Variants in MRPS27 observed in about 807,000 individuals in gnomAD.
The protein encoded by MRPS27 is mitochondrial ribosomal protein S27.
Under a neutral mutation model 48.9 loss-of-function variants are expected in MRPS27, and 43 were observed. That is an observed-to-expected ratio of 0.88 (90% CI 0.69 to 1.13). The LOEUF is 1.13. MRPS27 is among the 50% of genes most tolerant of loss of function. The probability of loss-of-function intolerance (pLI) is 0.00; values close to 1 mark genes in which losing one functional copy is unlikely to be tolerated. For missense variants in MRPS27, 467 were observed against 476.3 expected, an observed-to-expected ratio of 0.98 and a Z score of 0.18; for synonymous variants, 188 against 171.9, an observed-to-expected ratio of 1.09 and a Z score of -0.73.
At chr5:72,292,315 A>C (rs541212474) in intron 4 of MRPS27, among the ~76,000 whole-genome samples, 1 of 138,822 alleles carries the variant, frequency 7.2e-6, no homozygotes, top group Admixed American at 7.7e-5. Context: ...TGGTGTTTTC[A>C]TTTTTTATTT....
chr5:72,317,199 A>G (rs1355262827), intron 1 of MRPS27, among the ~76,000 whole-genome samples: 2 of 152,092 alleles, frequency 1.3e-5, no homozygotes, highest in African/African-American at 2.4e-5. Flanking sequence ...AAATACAAAC[A>G]CATCTGTGTG....
At chr5:72,264,425 G>A (rs1749058664) in intron 4 of MRPS27, among the ~76,000 whole-genome samples, 1 of 147,282 alleles carries the variant, frequency 6.8e-6, no homozygotes. Context: ...TAAAAAAAAA[G>A]AGAGAGAGAC....
At chr5:72,300,333 C>G (rs965929200) in intron 2 of MRPS27, among the ~76,000 whole-genome samples, 4 of 152,174 alleles carry the variant, frequency 2.6e-5, no homozygotes, top group African/African-American at 9.7e-5. Context: ...CTGCAGACTT[C>G]CCTTCTCCAT....
intron 1 of MRPS27, among the ~76,000 whole-genome samples, chr5:72,316,403 C>T (rs981022683): frequency 1.3e-5 from 2 of 152,068 alleles, no homozygotes; most frequent in African/African-American, 4.8e-5. Flanking sequence ...GAGTTTTGCT[C>T]GTTGCCCAGG....
chr5:72,241,695 G>A (rs1481181755), intron 4 of MRPS27: 3 of 1,535,092 alleles, frequency 2.0e-6, no homozygotes, highest in African/African-American at 2.7e-5. Flanking sequence ...CTTTCTGTCA[G>A]AAGAAAGGCA....
chr5:72,295,103 CAT>C (rs953679029), intron 4 of MRPS27, among the ~76,000 whole-genome samples: 38 of 152,026 alleles, frequency 2.5e-4, no homozygotes, highest in Middle Eastern at 3.4e-3. Context: ...AAAATGCAAA[CAT>C]GTGAAAATAC....
At chr5:72,284,247 TAAA>T (rs1167998721) in intron 4 of MRPS27, among the ~76,000 whole-genome samples, 6 of 109,750 alleles carry the variant, frequency 5.5e-5, no homozygotes, top group Non-Finnish European at 9.7e-5. Context: ...ACCCCATCTC[TAAA>T]AAAAAAAAAA....
At position 72,297,720 on chromosome 5, in the gene MRPS27, GA is replaced by G. The variant is rs760496112; in HGVS notation, c.152-19del. 1.2e-5 allele frequency: 18 copies of G among 1,510,032 alleles called. No individual in the cohort carries two copies. Among genetic ancestry groups the G allele is most frequent in the Non-Finnish European group, 1.5e-5 (17 of 1,122,504 alleles). 93.5% of individuals were successfully genotyped at this position (1,510,032 alleles called of 1,614,324 possible). A position where few individuals can be genotyped will look rare whatever the true frequency, so the allele number is the denominator to read the frequency against. On this transcript the variant is annotated intron_variant, in intron 2 of 10. Transcript: ENST00000261413. Reference sequence around the variant, plus strand: ...AAGATCAGCTGTGAAGACAAAAAAAGAAAAAAAACCTTGTTAAAGATACATA... The same window carrying G: ...AAGATCAGCTGTGAAGACAAAAAAAGAAAAAAACCTTGTTAAAGATACATA...
At chr5:72,256,208 G>A (rs73125499) in intron 4 of MRPS27, among the ~76,000 whole-genome samples, 1,665 of 152,152 alleles carry the variant, frequency 0.011, 29 homozygotes, top group African/African-American at 0.038. Flanking sequence ...GTGTATATCC[G>A]ATATATTCCA....
chr5:72,232,977 A>T (rs1201176282), intron 6 of MRPS27, among the ~76,000 whole-genome samples: 3 of 152,140 alleles, frequency 2.0e-5, no homozygotes, highest in African/African-American at 7.2e-5. Context: ...CAGCTAAGGC[A>T]TAAAGGAGAC....
Position 72,228,276 on chromosome 5 carries a change from A to G in MRPS27, c.684T>C (p.Tyr228=), listed in dbSNP as rs897443940. 2 of 1,611,860 alleles carry G rather than the reference A, an allele frequency of 1.2e-6. No homozygotes were observed. The highest frequency in any genetic ancestry group is 1.1e-5 in the South Asian group (1 of 91,026). The change falls in exon 8 of 11, where the codon TAT becomes TAC. Residue 228 remains tyrosine (Y), a synonymous_variant. Transcript: ENST00000261413. ...GATCATTTAGCTTACCAAGAAGTGCATAGCCATACAACTGGGAACTGAAAC... is the reference window on the plus strand; with the variant it reads ...GATCATTTAGCTTACCAAGAAGTGCGTAGCCATACAACTGGGAACTGAAAC... ...SVGFSSQLYG[Y]ALLGKVELQQ...
intron 10 of MRPS27, 139 bp downstream of exon 10, chr5:72,223,544 C>G (rs970854444): frequency 3.8e-6 from 4 of 1,057,874 alleles, no homozygotes; most frequent in Non-Finnish European, 5.5e-6. Flanking sequence ...CTGTGCAAAG[C>G]AATAAAAATG....
intron 4 of MRPS27, chr5:72,241,609 A>G: frequency 5.9e-6 from 9 of 1,520,764 alleles, no homozygotes; most frequent in Non-Finnish European, 7.9e-6. Context: ...TCCAGTAGTA[A>G]TATGTCAGGT....
chr5:72,250,350 T>C (rs985402697), intron 4 of MRPS27, among the ~76,000 whole-genome samples: 3 of 152,236 alleles, frequency 2.0e-5, no homozygotes, highest in Non-Finnish European at 4.4e-5. Flanking sequence ...GTTGAGTTTT[T>C]CAAGGTGCAT....
chr5:72,226,213 GAAC>G lies in MRPS27; in HGVS notation c.695-17_695-15del. The G allele has an allele frequency of 6.2e-7, 1 of 1,612,890 alleles. No homozygotes were observed. Among genetic ancestry groups the G allele is most frequent in the South Asian group, 1.1e-5 (1 of 91,008 alleles). On this transcript the variant is annotated splice_polypyrimidine_tract_variant and intron_variant, in intron 8 of 10. Transcript: ENST00000261413. Reference sequence around the variant, plus strand: ...ACTCCACCTTCCCTGTGGCCAAAAAGAACAATAAAGAATGCTCAGCCATGTCTT... The same window carrying G: ...ACTCCACCTTCCCTGTGGCCAAAAAGAATAAAGAATGCTCAGCCATGTCTT...
chr5:72,251,613 C>A (rs933761578), intron 4 of MRPS27, among the ~76,000 whole-genome samples: 2 of 152,188 alleles, frequency 1.3e-5, no homozygotes, highest in Admixed American at 6.5e-5. Context: ...AGCTTTGTGT[C>A]AGCTCAGTGC....
intron 2 of MRPS27, among the ~76,000 whole-genome samples, chr5:72,303,068 T>C (rs1178729328): frequency 2.0e-5 from 3 of 152,138 alleles, no homozygotes; most frequent in Non-Finnish European, 4.4e-5. Flanking sequence ...TTGTGAACTA[T>C]TCTATAGAAA....
intron 4 of MRPS27, among the ~76,000 whole-genome samples, chr5:72,242,665 TAC>T (rs57589095): frequency 0.061 from 8,243 of 134,166 alleles, 299 homozygotes; most frequent in African/African-American, 0.1. Flanking sequence ...AGACCCCGTC[TAC>T]ACACACACAC....
Position 72,273,561 on chromosome 5 carries a change from G to A in MRPS27, c.281+21970C>T, listed in dbSNP as rs139682838. On this transcript the variant is annotated intron_variant, in intron 4 of 10. Transcript: ENST00000261413. ...TGCTCCTAGGCTACAAACCTGTACCGCGTGGGACTACACAGAATACTGTAG... is the reference window on the plus strand; with the variant it reads ...TGCTCCTAGGCTACAAACCTGTACCACGTGGGACTACACAGAATACTGTAG... 2.0e-3 allele frequency among the ~76,000 whole-genome samples: 312 copies of A among 152,210 alleles called. 1 individual carries two copies. In the Middle Eastern group the frequency reaches 0.027, roughly 13 times the overall value.
Sources: allele counts gnomAD v4.1 joint callset (sites outside exome capture counted in the v4.1 genomes callset), GRCh38; gene constraint gnomAD v4.1.1; transcripts MANE v1.5; gene names NCBI Gene and HGNC (gene_info 2026-07-23, HGNC 2026-07-21).